SRD5A2: variants seen among roughly 807,000 people sequenced by gnomAD.
SRD5A2 encodes 3-oxo-5-alpha-steroid 4-dehydrogenase 2.
A neutral mutation model predicts 27.4 loss-of-function variants in SRD5A2; 30 were observed. That is an observed-to-expected ratio of 1.10 (90% confidence interval 0.82 to 1.49). The LOEUF is 1.49. SRD5A2 is among the 40% of genes most tolerant of loss of function. The pLI, the probability that SRD5A2 is intolerant of heterozygous loss-of-function variation, is 0.00. For missense variants in SRD5A2, 348 were observed against 323.4 expected (o/e 1.08, Z -0.58); for synonymous variants, 141 against 133.6 (o/e 1.06, Z -0.38).
chr2:31,553,541 C>T lies in SRD5A2; in HGVS notation c.282-19775G>A, dbSNP rs555339478. On this transcript the variant is annotated intron_variant, in intron 1 of 4. Transcript: ENST00000622030. Reference sequence around the variant, plus strand: ...CGAAGGCAGCAAGAGAAATGTGACACGTCACATACAAGGACACATCAATAA... The same window carrying T: ...CGAAGGCAGCAAGAGAAATGTGACATGTCACATACAAGGACACATCAATAA... Among the ~76,000 whole-genome samples, 60 of 152,216 alleles carry T rather than the reference C, an allele frequency of 3.9e-4. 1 individual carries two copies. Among genetic ancestry groups the T allele is most frequent in the African/African-American group, 9.9e-4 (41 of 41,544 alleles).
chr2:31,620,014 A>G, the SRD5A2 span, among the ~76,000 whole-genome samples: 1 of 152,168 alleles, frequency 6.6e-6, no homozygotes, highest in African/African-American at 2.4e-5. Flanking sequence ...AATCTTTGTC[A>G]GTGCCTATGT....
the SRD5A2 span, among the ~76,000 whole-genome samples, chr2:31,658,122 T>A: frequency 1.3e-5 from 2 of 152,116 alleles, no homozygotes; most frequent in Non-Finnish European, 1.5e-5. Context: ...AACCTGGTAC[T>A]GAATGACCTT....
the SRD5A2 span, among the ~76,000 whole-genome samples, chr2:31,587,368 C>G: frequency 2.0e-5 from 3 of 152,062 alleles, no homozygotes; most frequent in African/African-American, 7.2e-5. Context: ...GATCTAGAAC[C>G]AGAAATACCA....
chr2:31,529,117 C>T (rs1275916600), intron 4 of SRD5A2, among the ~76,000 whole-genome samples, 190 bp downstream of exon 4: 2 of 152,240 alleles, frequency 1.3e-5, no homozygotes, highest in East Asian at 1.9e-4. Flanking sequence ...ATTACTGCTA[C>T]TCTCATCCAG....
chr2:31,551,756 G>GA (rs796435497), intron 1 of SRD5A2, among the ~76,000 whole-genome samples: 6 of 150,078 alleles, frequency 4.0e-5, no homozygotes, highest in Admixed American at 2.0e-4. Context: ...AAAATAATTG[G>GA]AAAAAAAAAG....
chr2:31,620,354 GA>G, the SRD5A2 span, among the ~76,000 whole-genome samples: 26 of 152,012 alleles, frequency 1.7e-4, no homozygotes. Context: ...AGGCAAGAGA[GA>G]AATAAAGTGC....
At chr2:31,660,787 TAA>T in the SRD5A2 span, among the ~76,000 whole-genome samples, 1 of 151,856 alleles carries the variant, frequency 6.6e-6, no homozygotes, top group South Asian at 2.1e-4. Flanking sequence ...TGTTCAAGCA[TAA>T]AAGATTGATT....
chr2:31,580,141 T>C (rs967831358), intron 1 of SRD5A2, among the ~76,000 whole-genome samples: 1 of 152,152 alleles, frequency 6.6e-6, no homozygotes, highest in Non-Finnish European at 1.5e-5. Context: ...CCTCGGGAGA[T>C]GCCAAACGCG....
chr2:31,544,776 A>T (rs1302192225), intron 1 of SRD5A2, among the ~76,000 whole-genome samples: 4 of 151,764 alleles, frequency 2.6e-5, no homozygotes, highest in Admixed American at 6.6e-5. Flanking sequence ...TTCTTTAAAA[A>T]TTTTTTTTAA....
chr2:31,583,742 A>G (rs1558379578), upstream of SRD5A2, among the ~76,000 whole-genome samples: 1 of 151,758 alleles, frequency 6.6e-6, no homozygotes, highest in Non-Finnish European at 1.5e-5. Flanking sequence ...GGTAAGTGGA[A>G]TCATACAGTA....
chr2:31,580,810 AG>A lies in SRD5A2; in HGVS notation c.90del (p.Ser31ProfsTer10). Reference protein sequence around the residue: ...LGALALYVAKPSGYGKHTESL... With the variant: ...LGALALYVAKXSGYGKHTESL... ...CTCTCCGTGTGCTTCCCGTAGCCGG[AG>A]GGCTTCGCGACGTACAAGGCCAGTG... On this transcript the variant is annotated frameshift_variant, in exon 1 of 5. Transcript: ENST00000622030. LOFTEE classifies it high-confidence loss of function. The A allele has an allele frequency of 6.2e-7, 1 of 1,612,442 alleles. No homozygotes were observed. The highest frequency in any genetic ancestry group is 8.5e-7 in the Non-Finnish European group (1 of 1,179,704).
chr2:31,654,397 G>C, the SRD5A2 span, among the ~76,000 whole-genome samples: 1 of 152,142 alleles, frequency 6.6e-6, no homozygotes, highest in African/African-American at 2.4e-5. Flanking sequence ...CATAATAGTG[G>C]AAAAAGCACC....
At chr2:31,583,663 C>CAAAAAAAAAAAAAAAAAAAGCA (rs796349594), upstream of SRD5A2, among the ~76,000 whole-genome samples, 2 of 97,226 alleles carry the variant, frequency 2.1e-5, no homozygotes, top group African/African-American at 8.8e-5. Flanking sequence ...AAAAAAAAAG[C>CAAAAAAAAAAAAAAAAAAAGCA]AAAAAAAAAA....
intron 1 of SRD5A2, among the ~76,000 whole-genome samples, chr2:31,574,867 T>C (rs989206584): frequency 3.3e-5 from 5 of 152,232 alleles, no homozygotes; most frequent in African/African-American, 1.2e-4. Context: ...CCACTGCTTG[T>C]TTTTGTAAAT....
At chr2:31,527,898 AG>A (rs1264665810) in intron 4 of SRD5A2, among the ~76,000 whole-genome samples, 2 of 152,222 alleles carry the variant, frequency 1.3e-5, no homozygotes, top group Non-Finnish European at 2.9e-5. Context: ...TCATAACCCC[AG>A]GGTCCTGGTT....
At chr2:31,659,965 T>C in the SRD5A2 span, among the ~76,000 whole-genome samples, 105 of 152,246 alleles carry the variant, frequency 6.9e-4, no homozygotes, top group African/African-American at 2.3e-3. Flanking sequence ...TCTACCTCTA[T>C]TTTTTCTAGC....
chr2:31,638,473 T>C, the SRD5A2 span, among the ~76,000 whole-genome samples: 1 of 152,088 alleles, frequency 6.6e-6, no homozygotes, highest in Non-Finnish European at 1.5e-5. Flanking sequence ...TTAATGTTTC[T>C]TTGTTGATTT....
At chr2:31,592,606 T>C in the SRD5A2 span, among the ~76,000 whole-genome samples, 1 of 152,150 alleles carries the variant, frequency 6.6e-6, no homozygotes, top group Non-Finnish European at 1.5e-5. Flanking sequence ...GCAATAGCAA[T>C]CACTCCAGTC....
chr2:31,553,996 C>T (rs562810954), intron 1 of SRD5A2, among the ~76,000 whole-genome samples: 71 of 152,206 alleles, frequency 4.7e-4, no homozygotes, highest in African/African-American at 1.6e-3. Flanking sequence ...GAAAAATAAA[C>T]CTTTTGGAGC....
Sources: gnomAD v4.1 joint callset for allele counts (sites outside exome capture counted in the v4.1 genomes callset) on GRCh38, gnomAD v4.1.1 for gene constraint, MANE v1.5 for transcripts, NCBI Gene and HGNC (gene_info 2026-07-23, HGNC 2026-07-21) for gene names.